CNTN4: variants seen among roughly 807,000 people sequenced by gnomAD.
The protein encoded by CNTN4 is contactin-4.
CNTN4 carries 77 observed loss-of-function variants against 122.5 expected under a neutral mutation model. The observed-to-expected ratio is 0.63, with a 90% CI of 0.52 to 0.76. The LOEUF (loss-of-function observed/expected upper bound fraction) is 0.76. Ranked by LOEUF, CNTN4 falls within the 30% of genes least tolerant of loss-of-function variation. The probability of loss-of-function intolerance (pLI) is 0.00; values close to 1 mark genes in which losing one functional copy is unlikely to be tolerated. For synonymous variants in CNTN4, 512 were observed against 447.0 expected, an observed-to-expected ratio of 1.15 and a Z score of -1.83; for missense variants, 1,256 against 1,259.1, an observed-to-expected ratio of 1.00 and a Z score of 0.04.
intron 3 of CNTN4, among the ~76,000 whole-genome samples, chr3:2,376,928 C>T (rs1051582111): frequency 4.6e-5 from 7 of 152,102 alleles, no homozygotes; most frequent in African/African-American, 7.2e-5. Flanking sequence ...GAGACTGAGG[C>T]GGGTGGATCA....
At position 2,599,590 on chromosome 3, in the gene CNTN4, CAG is replaced by C. The variant is rs1265338302; in HGVS notation, c.55+28035_55+28036del. Among the ~76,000 whole-genome samples the C allele has an allele frequency of 2.0e-5, 3 of 152,170 alleles. No homozygotes were observed. The East Asian group carries it at 5.8e-4, about 29-fold the overall frequency. On this transcript the variant is annotated intron_variant, in intron 4 of 24. Transcript: ENST00000418658. ...AAGACACTCAGACAGCCCATCTGCT[CAG>C]AGTGTGGCTTACATCAGTTTCTGTA...
intron 13 of CNTN4, among the ~76,000 whole-genome samples, chr3:2,967,070 T>G (rs928669955): frequency 6.6e-6 from 1 of 152,218 alleles, no homozygotes; most frequent in African/African-American, 2.4e-5. Flanking sequence ...GTTTTACTAT[T>G]ACTCAAATCA....
intron 3 of CNTN4, among the ~76,000 whole-genome samples, chr3:2,339,926 C>T (rs767157472): frequency 2.6e-5 from 4 of 152,186 alleles, no homozygotes; most frequent in Non-Finnish European, 5.9e-5. Flanking sequence ...CCTCTAGCTT[C>T]TGGTGGTTGC....
intron 13 of CNTN4, among the ~76,000 whole-genome samples, chr3:2,973,520 G>C (rs1693130344): frequency 6.6e-6 from 1 of 151,964 alleles, no homozygotes; most frequent in Admixed American, 6.6e-5. Context: ...GTTATAATTT[G>C]CTTCTGAAAA....
chr3:2,622,630 C>CA (rs1234181780), intron 4 of CNTN4, among the ~76,000 whole-genome samples: 2 of 152,086 alleles, frequency 1.3e-5, no homozygotes, highest in African/African-American at 4.8e-5. Flanking sequence ...AATATGGGGG[C>CA]AGTTATGGAG....
intron 4 of CNTN4, among the ~76,000 whole-genome samples, chr3:2,573,920 T>C (rs2079539826): frequency 6.6e-6 from 1 of 152,198 alleles, no homozygotes; most frequent in Admixed American, 6.5e-5. Context: ...AATTTTGATT[T>C]TTTAAACTGC....
intron 6 of CNTN4, among the ~76,000 whole-genome samples, chr3:2,817,780 G>A (rs1234196035): frequency 6.6e-6 from 1 of 152,164 alleles, no homozygotes; most frequent in Non-Finnish European, 1.5e-5. Context: ...GAACCTATAT[G>A]CAGAAGTGAC....
At chr3:2,577,146 G>A (rs2079728044) in intron 4 of CNTN4, among the ~76,000 whole-genome samples, 1 of 152,100 alleles carries the variant, frequency 6.6e-6, no homozygotes, top group Non-Finnish European at 1.5e-5. Flanking sequence ...CTTTACTTCT[G>A]CTTCTTGGTA....
At chr3:2,627,994 T>G (rs1218864135) in intron 4 of CNTN4, among the ~76,000 whole-genome samples, 1 of 152,208 alleles carries the variant, frequency 6.6e-6, no homozygotes, top group Admixed American at 6.5e-5. Context: ...GGTCACATTT[T>G]TGTGTACAAA....
intron 2 of CNTN4, among the ~76,000 whole-genome samples, chr3:2,157,921 T>A (rs1228222179): frequency 6.6e-6 from 1 of 152,188 alleles, no homozygotes; most frequent in Non-Finnish European, 1.5e-5. Context: ...AAAATCATTC[T>A]CAGAAATCTA....
At chr3:2,529,449 T>C (rs2077516335) in intron 3 of CNTN4, among the ~76,000 whole-genome samples, 1 of 152,188 alleles carries the variant, frequency 6.6e-6, no homozygotes. Context: ...ACTGATTTAC[T>C]TTCCTTCAGA....
intron 13 of CNTN4, among the ~76,000 whole-genome samples, chr3:2,947,397 T>C (rs780993637): frequency 6.6e-6 from 1 of 152,200 alleles, no homozygotes; most frequent in Non-Finnish European, 1.5e-5. Context: ...ATAGTGCTTG[T>C]ACATCTAGAT....
intron 2 of CNTN4, among the ~76,000 whole-genome samples, chr3:2,303,660 T>A (rs1282336609): frequency 6.6e-6 from 1 of 152,204 alleles, no homozygotes; most frequent in Admixed American, 6.5e-5. Context: ...TGACTTTGGA[T>A]TAAATTACTA....
chr3:2,617,402 G>T (rs1281732268), intron 4 of CNTN4, among the ~76,000 whole-genome samples: 1 of 144,750 alleles, frequency 6.9e-6, no homozygotes, highest in East Asian at 2.0e-4. Context: ...CAACATCACT[G>T]ATCTTTAGAG....
chr3:3,005,980 G>C (rs1696583492), intron 14 of CNTN4, among the ~76,000 whole-genome samples: 1 of 149,968 alleles, frequency 6.7e-6, no homozygotes, highest in Admixed American at 6.7e-5. Flanking sequence ...CTGCCTCCCA[G>C]GTTCACGCCA....
At chr3:3,030,566 G>A (rs893728329) in intron 15 of CNTN4, among the ~76,000 whole-genome samples, 3 of 152,194 alleles carry the variant, frequency 2.0e-5, no homozygotes, top group Non-Finnish European at 2.9e-5. Flanking sequence ...ACCGTAGTAC[G>A]TAGGACTTAT....
intron 2 of CNTN4, among the ~76,000 whole-genome samples, chr3:2,170,266 G>A (rs909869485): frequency 6.6e-6 from 1 of 151,986 alleles, no homozygotes. Flanking sequence ...CTTGCAGTGA[G>A]CCGAGATCGC....
chr3:3,054,392 C>T (rs1314696411), intron 24 of CNTN4, among the ~76,000 whole-genome samples: 2 of 152,178 alleles, frequency 1.3e-5, no homozygotes, highest in African/African-American at 2.4e-5. Flanking sequence ...AGTTCAGTAT[C>T]TTGGAAATAT....
At chr3:2,122,642 A>G (rs945259318) in intron 2 of CNTN4, among the ~76,000 whole-genome samples, 1 of 152,216 alleles carries the variant, frequency 6.6e-6, no homozygotes, top group African/African-American at 2.4e-5. Flanking sequence ...TTGGTCAAAA[A>G]TACTGTATTG....
Sources: gnomAD v4.1 joint callset for allele counts (sites outside exome capture counted in the v4.1 genomes callset) on GRCh38, gnomAD v4.1.1 for gene constraint, MANE v1.5 for transcripts, NCBI Gene and HGNC (gene_info 2026-07-23, HGNC 2026-07-21) for gene names.